PSMA3: variants seen among roughly 807,000 people sequenced by gnomAD.
PSMA3 encodes proteasome 20S subunit alpha 3.
Under a neutral mutation model 40.0 loss-of-function variants are expected in PSMA3, and 8 were observed. The observed-to-expected ratio is 0.20, with a 90% CI of 0.12 to 0.36. The LOEUF (loss-of-function observed/expected upper bound fraction) is 0.36. Ranked by LOEUF, PSMA3 falls within the 10% of genes least tolerant of loss-of-function variation. PSMA3 has a pLI of 1.00. For synonymous variants in PSMA3, 110 were observed against 100.0 expected (o/e 1.10, Z -0.59); for missense variants, 219 against 310.6 (o/e 0.70, Z 2.22).
rs61189198 is a variant in PSMA3 at position 58,261,523 on chromosome 14, T to G, written c.477+503T>G. On this transcript the variant is annotated intron_variant, in intron 6 of 10. Transcript: ENST00000216455. ...AACTGATACGAGGCAGAGGAAAGAT[T>G]TTTTTTCAGTATGTTATTTATAGAA... is the stretch of plus-strand genomic sequence containing the variant. 5.1e-3 allele frequency among the ~76,000 whole-genome samples: 774 copies of G among 152,290 alleles called. 5 individuals carry two copies. The highest frequency in any genetic ancestry group is 0.017 in the African/African-American group (721 of 41,558).
At chr14:58,256,640 G>A (rs947877969) in intron 3 of PSMA3, among the ~76,000 whole-genome samples, 1 of 150,764 alleles carries the variant, frequency 6.6e-6, no homozygotes, top group Admixed American at 6.6e-5. Flanking sequence ...TCTTGAACTC[G>A]TGACCTTGTG....
intron 3 of PSMA3, among the ~76,000 whole-genome samples, chr14:58,255,940 C>T (rs1046702832): frequency 2.6e-5 from 4 of 152,092 alleles, no homozygotes; most frequent in African/African-American, 9.7e-5. Context: ...CTCACTGCAG[C>T]CTCCGCCTCC....
chr14:58,267,539 T>C lies in PSMA3; in HGVS notation c.590+19T>C. ...CAAAAATGTAAGTTGAAATTTTTCT[T>C]ACCATCCACAAAAATATTTCATTTG... On this transcript the variant is annotated intron_variant, in intron 8 of 10. Transcript: ENST00000216455. 6.4e-7 allele frequency: 1 copy of C among 1,565,704 alleles called. No homozygotes were observed. The highest frequency in any genetic ancestry group is 1.2e-5 in the South Asian group (1 of 80,200).
In PSMA3 at chr14:58,257,858, A is replaced by G; in HGVS notation, c.330+12A>G. The G allele has an allele frequency of 6.2e-7, 1 of 1,612,524 alleles. No individual in the cohort carries two copies. The highest frequency in any genetic ancestry group is 1.3e-5 in the African/African-American group (1 of 75,026). On this transcript the variant is annotated intron_variant, in intron 4 of 10. Coordinates refer to ENST00000216455, the MANE Select transcript of PSMA3 (RefSeq NM_002788.4). ...ACATTCCACTAAAAGTAAGTTGATA[A>G]CATATTGAGGAACCTTTTGGACAGT...
At chr14:58,271,446 C>T (rs1277010646) in intron 10 of PSMA3, among the ~76,000 whole-genome samples, 1 of 150,668 alleles carries the variant, frequency 6.6e-6, no homozygotes, top group Non-Finnish European at 1.5e-5. Context: ...CCTCCTGCCT[C>T]CGCCTCCCAA....
chr14:58,245,018 G>C (rs1435763500), intron 1 of PSMA3, 77 bp downstream of exon 1: 2 of 1,600,626 alleles, frequency 1.2e-6, no homozygotes, highest in East Asian at 4.5e-5. Flanking sequence ...ACCACATGGG[G>C]TTCGCGGACC....
intron 1 of PSMA3, among the ~76,000 whole-genome samples, chr14:58,246,769 G>C (rs1431518612): frequency 6.6e-6 from 1 of 152,030 alleles, no homozygotes. Context: ...CTCTTCTCTC[G>C]TCTAAGCTAC....
chr14:58,251,847 A>G (rs1447942128), intron 2 of PSMA3, among the ~76,000 whole-genome samples: 1 of 152,154 alleles, frequency 6.6e-6, no homozygotes, highest in African/African-American at 2.4e-5. Flanking sequence ...ACACTGAGCC[A>G]TATTGTGTTT....
rs1374648290 is a variant in PSMA3, at chr14:58,270,295, CTG to C, written c.591-119_591-118del. On this transcript the variant is annotated intron_variant, in intron 8 of 10. Transcript: ENST00000216455. ...ATGTTAAATACTATGTAGAATGTGT[CTG>C]TGTAATTTTATAGATACTTTTATTA... is the stretch of plus-strand genomic sequence containing the variant. 3.7e-6 allele frequency: 5 copies of C among 1,342,226 alleles called. No homozygotes were observed. The Admixed American group carries it at 7.6e-5, about 20-fold the overall frequency. 83.1% of individuals were successfully genotyped at this position (1,342,226 alleles called of 1,614,324 possible).
At chr14:58,270,376 T>C (rs1053599508) in intron 8 of PSMA3, 42 bp from the exon 9 acceptor site, 66 of 1,610,978 alleles carry the variant, frequency 4.1e-5, no homozygotes, top group Non-Finnish European at 5.6e-5. Context: ...ACTTCAATGT[T>C]TGGAGGTTAC....
At position 58,263,741 on chromosome 14, in the gene PSMA3, G is replaced by C; in HGVS notation, c.514G>C (p.Ala172Pro). 2 of 1,613,898 alleles carry C rather than the reference G, an allele frequency of 1.2e-6. No homozygotes were observed. Among genetic ancestry groups the C allele is most frequent in the Non-Finnish European group, 1.7e-6 (2 of 1,179,950 alleles). The change falls in exon 7 of 11, where the codon GCT becomes CCT. Residue 172 changes from alanine (A) to proline (P), a missense_variant. Physicochemically the swap from Ala to Pro is conservative, Grantham distance 27. Coordinates refer to ENST00000216455, the MANE Select transcript of PSMA3 (RefSeq NM_002788.4). The stretch of plus-strand genomic sequence containing the variant: ...CTGTGCCATCGGCAAAGCCAGGCAA[G>C]CTGCAAAGACGGAAATAGAGAAGCT... ...WGCAIGKARQ[A>P]AKTEIEKLQM...
intron 2 of PSMA3, among the ~76,000 whole-genome samples, chr14:58,251,187 G>T (rs1456780313): frequency 6.6e-6 from 1 of 152,190 alleles, no homozygotes; most frequent in East Asian, 1.9e-4. Context: ...TATTGTTTCC[G>T]ATCAGAACTA....
chr14:58,260,900 C>T lies in PSMA3; in HGVS notation c.405-48C>T, dbSNP rs138855039. 1,293 of 1,337,300 alleles carry T rather than the reference C, an allele frequency of 9.7e-4. 7 individuals are homozygous for T. The African/African-American group carries it at 0.013, about 13-fold the overall frequency. 82.8% of individuals were successfully genotyped at this position (1,337,300 alleles called of 1,614,324 possible). A position where few individuals can be genotyped will look rare whatever the true frequency, so the allele number is the denominator to read the frequency against. ...TTTTAAAATAATTTTTTCACAAATA[C>T]TTTTATGTTATTGCCATGGTTTAAG... On this transcript the variant is annotated intron_variant, in intron 5 of 10. Transcript: ENST00000216455.
rs374139645 is a variant in PSMA3 at position 58,257,790 on chromosome 14, G to A, written c.274G>A (p.Ala92Thr). ...AGATGCTCGTTCTTTAGCAGACATA[G>A]CAAGAGAAGAAGCTTCCAACTTCAG... ...LADARSLADI[A>T]REEASNFRSN... The change falls in exon 4 of 11, where the codon GCA becomes ACA. Residue 92 changes from alanine (A) to threonine (T), a missense_variant. Ala to Thr is a moderately conservative substitution (Grantham distance 58). Transcript: ENST00000216455. 1 of 1,613,300 alleles carries A rather than the reference G, an allele frequency of 6.2e-7. No homozygotes were observed. The highest frequency in any genetic ancestry group is 8.5e-7 in the Non-Finnish European group (1 of 1,179,556).
At chr14:58,251,402 C>T (rs1218528389) in intron 2 of PSMA3, among the ~76,000 whole-genome samples, 3 of 152,188 alleles carry the variant, frequency 2.0e-5, no homozygotes, top group Non-Finnish European at 4.4e-5. Context: ...TCTCTCACCT[C>T]AGCCTCCCAG....
intron 3 of PSMA3, among the ~76,000 whole-genome samples, chr14:58,252,463 T>A (rs1221679273): frequency 6.6e-6 from 1 of 151,848 alleles, no homozygotes; most frequent in Non-Finnish European, 1.5e-5. Flanking sequence ...GGCTGGGGAG[T>A]ATGCGTAGAA....
At chr14:58,245,096 A>T (rs1889849735) in intron 1 of PSMA3, 155 bp downstream of exon 1, 1 of 893,362 alleles carries the variant, frequency 1.1e-6, no homozygotes, top group Non-Finnish European at 1.8e-6. Flanking sequence ...GGTCGTCTTT[A>T]TCCCCTATAT....
chr14:58,271,324 G>GTTTTTT (rs1437536672), intron 10 of PSMA3, among the ~76,000 whole-genome samples: 1 of 102,928 alleles, frequency 9.7e-6, no homozygotes, highest in Admixed American at 1.1e-4. Flanking sequence ...TTAAATATTT[G>GTTTTTT]TTCTTTTTTT....
intron 10 of PSMA3, 140 bp from the exon 11 acceptor site, chr14:58,271,711 T>C: frequency 1.5e-6 from 1 of 655,746 alleles, no homozygotes; most frequent in Non-Finnish European, 2.8e-6. Flanking sequence ...TGCTTGGGTA[T>C]CTTATTCTGA....
Sources: gnomAD v4.1 joint callset for allele counts (sites outside exome capture counted in the v4.1 genomes callset) on GRCh38, gnomAD v4.1.1 for gene constraint, MANE v1.5 for transcripts, NCBI Gene and HGNC (gene_info 2026-07-23, HGNC 2026-07-21) for gene names.